The following PTGS1 variants were observed in gnomAD, a reference collection of about 807,000 sequenced individuals.
PTGS1 encodes prostaglandin G/H synthase 1.
PTGS1 carries 40 observed loss-of-function variants against 63.0 expected under a neutral mutation model. That is an observed-to-expected ratio of 0.63 (90% CI 0.49 to 0.83). The LOEUF is 0.83. Among genes scored for constraint, PTGS1 ranks in the 40% least tolerant of loss-of-function variants. The pLI is 0.00. For missense variants in PTGS1, 709 were observed against 786.5 expected, an observed-to-expected ratio of 0.90 and a Z score of 1.18; for synonymous variants, 298 against 301.9, an observed-to-expected ratio of 0.99 and a Z score of 0.13.
At chr9:122,385,409 A>G (rs1375106992) in intron 8 of PTGS1, among the ~76,000 whole-genome samples, 1 of 151,628 alleles carries the variant, frequency 6.6e-6, no homozygotes, top group African/African-American at 2.4e-5. Flanking sequence ...CTCCAGGTCG[A>G]TTTCCAAAAG....
chr9:122,383,713 G>A lies in PTGS1; in HGVS notation c.967G>A (p.Gly323Ser), dbSNP rs1320384776. The change falls in exon 8 of 11, where the codon GGC becomes AGC. Residue 323 changes from glycine to serine, a missense_variant. By Grantham distance (56) the Gly-to-Ser change is moderately conservative. Transcript: ENST00000362012. ...DLLKAEHPTW[G>S]DEQLFQTTRL... ...GCTGAAGGCTGAGCACCCCACCTGG[G>A]GCGATGAGCAGCTTTTCCAGACGAC... 6.2e-7 allele frequency: 1 copy of A among 1,613,708 alleles called. No homozygotes were observed. Among genetic ancestry groups the A allele is most frequent in the Admixed American group, 1.7e-5 (1 of 60,016 alleles).
intron 2 of PTGS1, among the ~76,000 whole-genome samples, chr9:122,376,661 A>T (rs1837186525): frequency 6.6e-6 from 1 of 152,186 alleles, no homozygotes. Context: ...CTGAGCCCAG[A>T]TAAGGAAGTA....
At chr9:122,391,088 C>A (rs1260338595) in intron 10 of PTGS1, among the ~76,000 whole-genome samples, 1 of 151,242 alleles carries the variant, frequency 6.6e-6, no homozygotes, top group Non-Finnish European at 1.5e-5. Context: ...TTCTAAGTAC[C>A]CACTTACGGG....
chr9:122,392,706 G>T lies in PTGS1; in HGVS notation c.*162G>T. The T allele has an allele frequency of 1.6e-6, 1 of 616,228 alleles. No homozygotes were observed. The highest frequency in any genetic ancestry group is 2.4e-5 in the South Asian group (1 of 42,280). 38.2% of individuals were successfully genotyped at this position (616,228 alleles called of 1,614,324 possible). A position where few individuals can be genotyped will look rare whatever the true frequency, so the allele number is the denominator to read the frequency against. ...AGTCTCACCCATTATCTGGAATATT[G>T]TGATTCTGTTTATTCTTCCAGAATG... On this transcript the variant is annotated 3_prime_UTR_variant, in exon 11 of 11. Transcript: ENST00000362012.
At position 122,392,709 on chromosome 9, in the gene PTGS1, A is replaced by T; in HGVS notation, c.*165A>T. ...CTCACCCATTATCTGGAATATTGTG[A>T]TTCTGTTTATTCTTCCAGAATGCTG... On this transcript the variant is annotated 3_prime_UTR_variant, in exon 11 of 11. Transcript: ENST00000362012. The T allele has an allele frequency of 1.7e-6, 1 of 602,104 alleles. No homozygotes were observed. The highest frequency in any genetic ancestry group is 2.8e-6 in the Non-Finnish European group (1 of 351,236). The allele number at this position is 602,104 out of a possible 1,614,324, so 37.3% of individuals were successfully genotyped here. A position where few individuals can be genotyped will look rare whatever the true frequency, so the allele number is the denominator to read the frequency against.
chr9:122,383,414 G>T, intron 7 of PTGS1, 95 bp from the exon 8 acceptor site: 1 of 1,503,734 alleles, frequency 6.7e-7, no homozygotes, highest in East Asian at 2.3e-5. Context: ...TGGCTGAGGG[G>T]AACTGGCAGC....
chr9:122,389,780 C>A (rs189862228), intron 9 of PTGS1, among the ~76,000 whole-genome samples: 2 of 152,036 alleles, frequency 1.3e-5, no homozygotes, highest in African/African-American at 4.8e-5. Context: ...TATAGTGAGA[C>A]CTCACCTCTA....
chr9:122,388,516 G>T (rs1269663240), intron 9 of PTGS1, among the ~76,000 whole-genome samples: 2 of 152,144 alleles, frequency 1.3e-5, no homozygotes, highest in Admixed American at 1.3e-4. Flanking sequence ...TTTTACATAT[G>T]CGGGAACTCA....
chr9:122,390,181 T>C lies in PTGS1; in HGVS notation c.1297-17T>C. On this transcript the variant is annotated splice_polypyrimidine_tract_variant and intron_variant, in intron 9 of 10. Transcript: ENST00000362012. ...TGGCCTGGCTCCCAGACCACTGCTG[T>C]GCTTCTCTCTCGGCAGATCGGTGGG... 1 of 1,612,124 alleles carries C rather than the reference T, an allele frequency of 6.2e-7. No homozygotes were observed. The highest frequency in any genetic ancestry group is 8.5e-7 in the Non-Finnish European group (1 of 1,178,862).
Position 122,392,246 on chromosome 9 carries a change from A to C in PTGS1, c.1502A>C (p.Glu501Ala). The change falls in exon 11 of 11, where the codon GAG (glutamate) becomes GCG (alanine). Residue 501 changes from glutamate (E) to alanine (A), a missense_variant. Physicochemically the swap from Glu to Ala is moderately radical, Grantham distance 107 (BLOSUM62 -1). Transcript: ENST00000362012. Reference protein sequence around the residue: ...EELYGDIDALEFYPGLLLEKC... With the variant: ...EELYGDIDALAFYPGLLLEKC... Reference sequence around the variant, plus strand: ...TTGTATGGAGACATTGATGCGTTGGAGTTCTACCCTGGACTGCTTCTTGAA... The same window carrying C: ...TTGTATGGAGACATTGATGCGTTGGCGTTCTACCCTGGACTGCTTCTTGAA... The C allele has an allele frequency of 6.2e-7, 1 of 1,608,644 alleles. No homozygotes were observed. Among genetic ancestry groups the C allele is most frequent in the Non-Finnish European group, 8.5e-7 (1 of 1,175,440 alleles).
chr9:122,386,317 A>G lies in PTGS1; in HGVS notation c.1010-129A>G, dbSNP rs10306161. On this transcript the variant is annotated intron_variant, in intron 8 of 10. Coordinates refer to ENST00000362012, the MANE Select transcript of PTGS1 (RefSeq NM_000962.4). ...GACCTTGTCTGTAAAAATAAAAATA[A>G]ACATCAACAGCAACAACAACAATAA... is the stretch of plus-strand genomic sequence containing the variant. The G allele has an allele frequency of 0.013, 14,001 of 1,043,016 alleles. 1,214 individuals carry two copies. In the African/African-American group the frequency reaches 0.2, roughly 15 times the overall value. 64.6% of individuals were successfully genotyped at this position (1,043,016 alleles called of 1,614,324 possible).
intron 7 of PTGS1, among the ~76,000 whole-genome samples, chr9:122,383,272 G>A (rs1429717791): frequency 2.7e-5 from 4 of 150,016 alleles, no homozygotes; most frequent in African/African-American, 4.9e-5. Context: ...GGATAGGAGT[G>A]GAAATAGGGA....
At chr9:122,391,376 T>C (rs1027021046) in intron 10 of PTGS1, among the ~76,000 whole-genome samples, 1 of 106,102 alleles carries the variant, frequency 9.4e-6, no homozygotes, top group African/African-American at 4.2e-5. Flanking sequence ...TATATACATA[T>C]ATATATATAC....
At chr9:122,386,229 G>A (rs1016014569) in intron 8 of PTGS1, among the ~76,000 whole-genome samples, 7 of 152,172 alleles carry the variant, frequency 4.6e-5, no homozygotes, top group Admixed American at 4.6e-4. Context: ...TTGAGCCCGG[G>A]AAAGTTCAGG....
rs753157503 is a variant in PTGS1, at chr9:122,386,637, T to A, written c.1201T>A (p.Tyr401Asn). The A allele has an allele frequency of 7.4e-6, 12 of 1,614,130 alleles. No homozygotes were observed. Among genetic ancestry groups the A allele is most frequent in the Non-Finnish European group, 1.0e-5 (12 of 1,180,018 alleles). ...CTCCTTCAAGGTGGGCTCCCAGGAG[T>A]ACAGCTACGAGCAGTTCTTGTTCAA... is the stretch of plus-strand genomic sequence containing the variant. ...PDSFKVGSQEYSYEQFLFNTS... is the reference protein window; with the variant it reads ...PDSFKVGSQENSYEQFLFNTS... Residue 401 changes from tyrosine (Y) to asparagine (N), a missense_variant, in exon 9 of 11, where the codon TAC (tyrosine) becomes AAC (asparagine). By Grantham distance (143) the Tyr-to-Asn change is moderately radical. Transcript: ENST00000362012.
At position 122,377,525 on chromosome 9, in the gene PTGS1, G is replaced by T. The variant is rs1588122897; in HGVS notation, c.95-374G>T. Among the ~76,000 whole-genome samples the T allele has an allele frequency of 3.3e-5, 5 of 151,428 alleles. 1 individual carries two copies. Among genetic ancestry groups the T allele is most frequent in the Admixed American group, 3.3e-4 (5 of 15,228 alleles). On this transcript the variant is annotated intron_variant, in intron 2 of 10. Coordinates refer to ENST00000362012, the MANE Select transcript of PTGS1 (RefSeq NM_000962.4). Reference sequence around the variant, plus strand: ...CTACTGAACTCTGACTAGGCAGGAAGTGAACGCTCTAGAAGCCCGTGGCTG... The same window carrying T: ...CTACTGAACTCTGACTAGGCAGGAATTGAACGCTCTAGAAGCCCGTGGCTG...
rs1473672583 is a variant in PTGS1 at position 122,381,489 on chromosome 9, C to T, written c.615C>T (p.Thr205=). The T allele has an allele frequency of 3.7e-6, 6 of 1,614,118 alleles. No individual in the cohort carries two copies. The highest frequency in any genetic ancestry group is 3.3e-5 in the South Asian group (3 of 91,088). The change falls in exon 6 of 11, where the codon ACC becomes ACT. Residue 205 remains threonine, a synonymous_variant. Coordinates refer to ENST00000362012, the MANE Select transcript of PTGS1 (RefSeq NM_000962.4). ...LMFAFFAQHF[T]HQFFKTSGKM... The stretch of plus-strand genomic sequence containing the variant: ...TTGCCTTCTTTGCACAACACTTCAC[C>T]CACCAGTTCTTCAAAACTTCTGGCA...
chr9:122,371,615 G>C, intron 2 of PTGS1: 1 of 1,431,232 alleles, frequency 7.0e-7, no homozygotes, highest in Non-Finnish European at 9.1e-7. Flanking sequence ...TCCTATAGGG[G>C]CCTCTTTGGG....
intron 6 of PTGS1, 55 bp downstream of exon 6, chr9:122,381,607 G>A (rs368991967): frequency 3.1e-6 from 5 of 1,613,026 alleles, no homozygotes; most frequent in African/African-American, 1.3e-5. Flanking sequence ...GCACGCGTAT[G>A]TCATCGACAG....
Sources: allele counts gnomAD v4.1 joint callset (sites outside exome capture counted in the v4.1 genomes callset), GRCh38; gene constraint gnomAD v4.1.1; transcripts MANE v1.5; gene names NCBI Gene and HGNC (gene_info 2026-07-23, HGNC 2026-07-21).